The following NALF1 variants were observed in gnomAD, a reference collection of about 807,000 sequenced individuals.
The protein encoded by NALF1 is family with sequence similarity 155 member A.
A neutral mutation model predicts 48.4 loss-of-function variants in NALF1; 3 were observed. The ratio of observed to expected loss-of-function variants is 0.06; its 90% CI spans 0.03 to 0.16. The LOEUF (loss-of-function observed/expected upper bound fraction) is 0.16, where lower values mean the gene tolerates loss of function less well. NALF1 is among the 10% of genes least tolerant of loss of function. NALF1 has a pLI of 1.00. For missense variants in NALF1, 526 were observed against 571.5 expected, an observed-to-expected ratio of 0.92 and a Z score of 0.81; for synonymous variants, 262 against 245.7, an observed-to-expected ratio of 1.07 and a Z score of -0.62.
intron 1 of NALF1, among the ~76,000 whole-genome samples, chr13:107,704,213 T>A (rs1421886592): frequency 1.3e-5 from 2 of 152,214 alleles, no homozygotes; most frequent in African/African-American, 2.4e-5. Flanking sequence ...TACCCTCTAT[T>A]CATTGTTCTG....
At chr13:107,418,828 A>G (rs1884137652) in intron 1 of NALF1, among the ~76,000 whole-genome samples, 1 of 152,180 alleles carries the variant, frequency 6.6e-6, no homozygotes, top group African/African-American at 2.4e-5. Context: ...AATACCCCTG[A>G]AACACAAATC....
At chr13:107,790,861 CTT>C (rs71791410) in intron 1 of NALF1, among the ~76,000 whole-genome samples, 23,236 of 151,902 alleles carry the variant, frequency 0.15, 2,144 homozygotes, top group Admixed American at 0.26. Flanking sequence ...TAAACATAGA[CTT>C]ATAACAGTGT....
intron 1 of NALF1, among the ~76,000 whole-genome samples, chr13:107,438,859 A>G (rs1378285687): frequency 6.8e-6 from 1 of 146,824 alleles, no homozygotes; most frequent in Non-Finnish European, 1.5e-5. Flanking sequence ...AAAGAATAAT[A>G]TAAAGGGTGT....
At chr13:107,221,644 C>T (rs546039576) in intron 1 of NALF1, among the ~76,000 whole-genome samples, 1 of 152,138 alleles carries the variant, frequency 6.6e-6, no homozygotes, top group African/African-American at 2.4e-5. Context: ...CAGGTGTTTT[C>T]AATGCACGGT....
intron 1 of NALF1, among the ~76,000 whole-genome samples, chr13:107,772,711 ATATCCCTTCTTGGGTCACGGCCTT>A (rs1877613078): frequency 6.6e-6 from 1 of 152,216 alleles, no homozygotes; most frequent in Admixed American, 6.5e-5. Context: ...ACTGTGAACT[ATATCCCTTCTTGGGTCACGGCCTT>A]GACTATTAGC....
chr13:107,404,845 G>A (rs117425708), intron 1 of NALF1, among the ~76,000 whole-genome samples: 3,017 of 152,114 alleles, frequency 0.02, 37 homozygotes, highest in Middle Eastern at 0.041. Context: ...GTATAATTTA[G>A]TAGACTGCAG....
At chr13:107,333,599 C>T (rs1359145373) in intron 1 of NALF1, among the ~76,000 whole-genome samples, 1 of 152,152 alleles carries the variant, frequency 6.6e-6, no homozygotes, top group Middle Eastern at 3.2e-3. Flanking sequence ...TAAATTTTAG[C>T]AAGTAGGTGA....
At chr13:107,814,434 G>A (rs1402000731) in intron 1 of NALF1, among the ~76,000 whole-genome samples, 1 of 152,122 alleles carries the variant, frequency 6.6e-6, no homozygotes, top group Non-Finnish European at 1.5e-5. Context: ...ATCTGCAGGA[G>A]ACACTTCAGA....
intron 1 of NALF1, among the ~76,000 whole-genome samples, chr13:107,703,780 G>A (rs1881882529): frequency 6.6e-6 from 1 of 151,974 alleles, no homozygotes; most frequent in Non-Finnish European, 1.5e-5. Context: ...CTGCAGCATA[G>A]GGAAACTCTC....
At chr13:107,607,337 T>C (rs1879100450) in intron 1 of NALF1, among the ~76,000 whole-genome samples, 1 of 152,184 alleles carries the variant, frequency 6.6e-6, no homozygotes, top group African/African-American at 2.4e-5. Flanking sequence ...CAAGCCAACA[T>C]TTAATTCACA....
At chr13:107,209,001 G>T (rs955982880) in intron 2 of NALF1, among the ~76,000 whole-genome samples, 1 of 152,116 alleles carries the variant, frequency 6.6e-6, no homozygotes, top group African/African-American at 2.4e-5. Flanking sequence ...CGTGTGCAAC[G>T]GCTATGGCTG....
In NALF1 at chr13:107,798,328, C is replaced by G. The variant is rs540687239; in HGVS notation, c.915+67354G>C. 7.2e-4 allele frequency among the ~76,000 whole-genome samples: 110 copies of G among 152,284 alleles called. 1 individual carries two copies. The highest frequency in any genetic ancestry group is 2.5e-3 in the African/African-American group (105 of 41,570). On this transcript the variant is annotated intron_variant, in intron 1 of 2. Coordinates refer to ENST00000375915, the MANE Select transcript of NALF1 (RefSeq NM_001080396.3). ...TGCCAGTTTAGTATGCTAACTTCTTCTCTCTAGAGGTTAATACATTTTCCA... is the reference window on the plus strand; with the variant it reads ...TGCCAGTTTAGTATGCTAACTTCTTGTCTCTAGAGGTTAATACATTTTCCA...
At chr13:107,851,986 T>C (rs1007395425) in intron 1 of NALF1, among the ~76,000 whole-genome samples, 4 of 151,084 alleles carry the variant, frequency 2.6e-5, no homozygotes, top group Non-Finnish European at 5.9e-5. Context: ...TTTTTTTTAA[T>C]TTGGGGGGTG....
chr13:107,670,422 G>A (rs1816123279), intron 1 of NALF1, among the ~76,000 whole-genome samples: 1 of 152,040 alleles, frequency 6.6e-6, no homozygotes, highest in Admixed American at 6.6e-5. Context: ...CAGAAAGATG[G>A]GCTAGAGTTC....
At chr13:107,289,403 T>C (rs962605058) in intron 1 of NALF1, among the ~76,000 whole-genome samples, 2 of 152,222 alleles carry the variant, frequency 1.3e-5, no homozygotes, top group South Asian at 2.1e-4. Flanking sequence ...AGATGCTCAA[T>C]AAATACTCAT....
chr13:107,646,549 T>C (rs959305732), intron 1 of NALF1, among the ~76,000 whole-genome samples: 8 of 152,172 alleles, frequency 5.3e-5, no homozygotes, highest in African/African-American at 1.7e-4. Flanking sequence ...CAACGCATTG[T>C]TGATTAGAGG....
At chr13:107,349,046 CTG>C (rs1882824747) in intron 1 of NALF1, among the ~76,000 whole-genome samples, 1 of 152,324 alleles carries the variant, frequency 6.6e-6, no homozygotes, top group East Asian at 1.9e-4. Context: ...GTACTGCACA[CTG>C]TGTGTGGTGG....
chr13:107,497,556 T>C (rs918336741), intron 1 of NALF1, among the ~76,000 whole-genome samples: 10 of 152,240 alleles, frequency 6.6e-5, no homozygotes, highest in African/African-American at 2.4e-4. Flanking sequence ...GTACACTTTC[T>C]TCAAGTACAT....
chr13:107,810,776 GTTC>G (rs774731375), intron 1 of NALF1, among the ~76,000 whole-genome samples: 15 of 151,954 alleles, frequency 9.9e-5, no homozygotes, highest in East Asian at 5.8e-4. Context: ...GTCCCATCCT[GTTC>G]TTCTTTTTTG....
Sources: gnomAD v4.1 joint callset for allele counts (sites outside exome capture counted in the v4.1 genomes callset) on GRCh38, gnomAD v4.1.1 for gene constraint, MANE v1.5 for transcripts, NCBI Gene and HGNC (gene_info 2026-07-23, HGNC 2026-07-21) for gene names.